APBB1: variants seen among roughly 807,000 people sequenced by gnomAD.
APBB1 encodes adaptor protein FE65a2.
In APBB1, 22 loss-of-function variants were observed where a neutral mutation model predicts 78.4. The ratio of observed to expected loss-of-function variants is 0.28; its 90% CI spans 0.20 to 0.40. The LOEUF (loss-of-function observed/expected upper bound fraction) is 0.40. Ranked by LOEUF, APBB1 falls within the 10% of genes least tolerant of loss-of-function variation. The pLI is 1.00. For missense variants in APBB1, 749 were observed against 932.4 expected, an observed-to-expected ratio of 0.80 and a Z score of 2.56; for synonymous variants, 369 against 372.7, an observed-to-expected ratio of 0.99 and a Z score of 0.12.
chr11:6,399,439 A>G (rs1214466998), intron 12 of APBB1, among the ~76,000 whole-genome samples: 2 of 152,262 alleles, frequency 1.3e-5, no homozygotes, highest in Non-Finnish European at 2.9e-5. Context: ...AAGGTCCAAC[A>G]GCCAGGAACT....
In APBB1 at chr11:6,403,893, C is replaced by T. The variant is rs991970390; in HGVS notation, c.722-71G>A. The T allele has an allele frequency of 6.8e-7, 1 of 1,471,258 alleles. No individual in the cohort carries two copies. The highest frequency in any genetic ancestry group is 9.1e-7 in the Non-Finnish European group (1 of 1,096,556). 91.1% of individuals were successfully genotyped at this position (1,471,258 alleles called of 1,614,324 possible). A position where few individuals can be genotyped will look rare whatever the true frequency, so the allele number is the denominator to read the frequency against. ...GACAGCTGGTGCCTATGCCCGGTCC[C>T]CTCTGAGACCCCATGGTTGAGAAGG... is the stretch of plus-strand genomic sequence containing the variant. On this transcript the variant is annotated intron_variant, in intron 2 of 14. Coordinates refer to ENST00000609360, the MANE Select transcript of APBB1 (RefSeq NM_001164.5). The surrounding 1 kb of genome is among the most constrained non-coding windows in gnomAD (Gnocchi z 5.3).
upstream of APBB1, chr11:6,419,166 G>A (rs1156363282): frequency 2.9e-6 from 1 of 341,540 alleles, no homozygotes; most frequent in South Asian, 1.4e-4. Flanking sequence ...GGGCGGGCGC[G>A]GGAGCGAGCT....
At chr11:6,415,476 C>T (rs549601098) in intron 1 of APBB1, among the ~76,000 whole-genome samples, 2 of 152,278 alleles carry the variant, frequency 1.3e-5, no homozygotes, top group Non-Finnish European at 2.9e-5. Context: ...AGTGTAACAC[C>T]AACATCTAGA....
intron 2 of APBB1, chr11:6,404,913 T>C: frequency 6.8e-7 from 1 of 1,481,424 alleles, no homozygotes; most frequent in Non-Finnish European, 8.9e-7. Flanking sequence ...CCCGCCCCCT[T>C]CTCACCAGGG....
chr11:6,402,551 C>G (rs1360554406), intron 7 of APBB1, 25 bp downstream of exon 7: 5 of 1,610,630 alleles, frequency 3.1e-6, no homozygotes. Flanking sequence ...CAGTACCACC[C>G]CCTACCCCCG....
Position 6,395,903 on chromosome 11 carries a change from T to A in APBB1, c.1848A>T (p.Arg616Ser), listed in dbSNP as rs1205691235. The change falls in exon 14 of 15, where the codon AGA (arginine) becomes AGT (serine). Residue 616 changes from arginine (R) to serine (S), a missense_variant. Physicochemically the swap from Arg to Ser is moderately radical, Grantham distance 110. Transcript: ENST00000609360. The surrounding 1 kb of genome is among the most constrained non-coding windows in gnomAD (Gnocchi z 5.2). Reference protein sequence around the residue: ...VRFLSFLAVGRDVHTFAFIMA... With the variant: ...VRFLSFLAVGSDVHTFAFIMA... ...TGATGAATGCAAACGTGTGGACATC[T>A]CTGCCCACGGCCAGGAAGGAGAGGA... is the stretch of plus-strand genomic sequence containing the variant. The A allele has an allele frequency of 2.5e-6, 4 of 1,613,836 alleles. No homozygotes were observed. The African/African-American group carries it at 4.0e-5, about 16-fold the overall frequency.
rs770078300 is a variant in APBB1, at chr11:6,395,869, C to A, written c.1882G>T (p.Gly628Cys). The A allele has an allele frequency of 1.2e-6, 2 of 1,613,930 alleles. No homozygotes were observed. The highest frequency in any genetic ancestry group is 1.7e-6 in the Non-Finnish European group (2 of 1,180,016). ...ATGTGGCAGCAGAAGGAGGCTGGGCCGGCAGCCATGATGAATGCAAACGTG... is the reference window on the plus strand; with the variant it reads ...ATGTGGCAGCAGAAGGAGGCTGGGCAGGCAGCCATGATGAATGCAAACGTG... ...VHTFAFIMAA[G>C]PASFCCHMFW... The change falls in exon 14 of 15, where the codon GGC becomes TGC. Residue 628 changes from glycine (G) to cysteine (C), a missense_variant. By Grantham distance (159) the Gly-to-Cys change is radical (BLOSUM62 -3). Around this residue, in one of 3 missense-constraint regions of APBB1, gnomAD observed 96 missense variants for 116.0 expected, o/e 0.83. Coordinates refer to ENST00000609360, the MANE Select transcript of APBB1 (RefSeq NM_001164.5). The surrounding 1 kb of genome is among the most constrained non-coding windows in gnomAD (Gnocchi z 5.2).
intron 2 of APBB1, chr11:6,404,149 A>G (rs1464270090): frequency 2.8e-6 from 1 of 357,162 alleles, no homozygotes; most frequent in East Asian, 4.5e-5. Context: ...CATATCTATT[A>G]TCTCAGTTAA....
Position 6,400,973 on chromosome 11 carries a change from A to G in APBB1, c.1672+16T>C. 6.2e-7 allele frequency: 1 copy of G among 1,611,234 alleles called. No individual in the cohort carries two copies. The highest frequency in any genetic ancestry group is 8.5e-7 in the Non-Finnish European group (1 of 1,177,300). On this transcript the variant is annotated intron_variant, in intron 12 of 14. Transcript: ENST00000609360. ...GATCAAGGTAGCAGCCCCTGGGTAT[A>G]GAAGGACACACATACCAACAGGTTT... is the stretch of plus-strand genomic sequence containing the variant.
intron 2 of APBB1, among the ~76,000 whole-genome samples, chr11:6,409,778 G>C (rs560248800): frequency 1.4e-5 from 2 of 146,184 alleles, no homozygotes; most frequent in Admixed American, 1.3e-4. Context: ...TCCTGTATTC[G>C]CTACACGACA....
At chr11:6,414,622 T>C (rs1590793253) in intron 1 of APBB1, among the ~76,000 whole-genome samples, 1 of 151,608 alleles carries the variant, frequency 6.6e-6, no homozygotes, top group Admixed American at 6.6e-5. Context: ...TTTGGGAGGG[T>C]GTCAGAGAAT....
rs760335618 is a variant in APBB1, at chr11:6,403,465, G to A, written c.954+23C>T. The A allele has an allele frequency of 1.2e-6, 2 of 1,614,072 alleles. No homozygotes were observed. The highest frequency in any genetic ancestry group is 1.7e-6 in the Non-Finnish European group (2 of 1,180,026). The stretch of plus-strand genomic sequence containing the variant: ...ATGCCCCTCCTCCAGCTATCCCGTG[G>A]TAAAGCAGGTCCCCTTACCCACCTT... On this transcript the variant is annotated intron_variant, in intron 4 of 14. Coordinates refer to ENST00000609360, the MANE Select transcript of APBB1 (RefSeq NM_001164.5). The surrounding 1 kb of genome is among the most constrained non-coding windows in gnomAD (Gnocchi z 5.3).
intron 1 of APBB1, among the ~76,000 whole-genome samples, chr11:6,418,585 C>A (rs1215562648): frequency 1.3e-5 from 2 of 152,214 alleles, no homozygotes; most frequent in Non-Finnish European, 2.9e-5. Context: ...TCGCTGAGGG[C>A]AACAGAATGC....
intron 12 of APBB1, among the ~76,000 whole-genome samples, chr11:6,398,358 G>A (rs1251243239): frequency 6.6e-6 from 1 of 152,150 alleles, no homozygotes; most frequent in East Asian, 1.9e-4. Context: ...TGCATGCCAA[G>A]AAGCTAGAAT....
At chr11:6,417,341 GT>G (rs1358502326) in intron 1 of APBB1, among the ~76,000 whole-genome samples, 1 of 152,166 alleles carries the variant, frequency 6.6e-6, no homozygotes, top group African/African-American at 2.4e-5. Context: ...CCCGAGACCA[GT>G]TTAGCTACTG....
chr11:6,415,231 C>T (rs754724943), intron 1 of APBB1, among the ~76,000 whole-genome samples: 13 of 152,178 alleles, frequency 8.5e-5, no homozygotes, highest in Non-Finnish European at 1.8e-4. Context: ...TGGGCAGGGG[C>T]CTCGGGGCAG....
At chr11:6,405,614 G>T in intron 2 of APBB1, 1 of 985,976 alleles carries the variant, frequency 1.0e-6, no homozygotes, top group South Asian at 4.7e-5. Context: ...CTGCACACCT[G>T]ACGAGAGTTA....
At position 6,401,830 on chromosome 11, in the gene APBB1, T is replaced by TG. The variant is rs771191185; in HGVS notation, c.1389-143dup. ...TGGTCCCCCATAGGTGCTGCCTTCT[T>TG]GGGGGGGAGGGGTAGACAGGCAAGC... On this transcript the variant is annotated intron_variant, in intron 9 of 14. Transcript: ENST00000609360. This position sits in a 1 kb window ranked among gnomAD's most constrained non-coding sequence, Gnocchi z 4.5. 9.9e-6 allele frequency: 14 copies of TG among 1,411,322 alleles called. No homozygotes were observed. The highest frequency in any genetic ancestry group is 1.9e-5 in the Admixed American group (1 of 52,832). 87.4% of individuals were successfully genotyped at this position (1,411,322 alleles called of 1,614,324 possible).
chr11:6,404,416 C>T (rs1405463687), intron 2 of APBB1, among the ~76,000 whole-genome samples: 1 of 152,178 alleles, frequency 6.6e-6, no homozygotes, highest in East Asian at 1.9e-4. Flanking sequence ...GCCCCTGCCA[C>T]ACAGGTGTGC....
Sources: gnomAD v4.1 joint callset for allele counts (sites outside exome capture counted in the v4.1 genomes callset) on GRCh38, gnomAD v4.1.1 for gene constraint, gnomAD v4.1.1 regional missense constraint, Gnocchi (gnomAD v3.1) non-coding constraint, MANE v1.5 for transcripts, NCBI Gene and HGNC (gene_info 2026-07-23, HGNC 2026-07-21) for gene names.